Variants in NRG1 observed in about 807,000 individuals in gnomAD.
NRG1 encodes the protein pro-neuregulin-1, membrane-bound isoform.
In NRG1, 18 loss-of-function variants were observed where a neutral mutation model predicts 63.8. The observed-to-expected ratio is 0.28, with a 90% CI of 0.19 to 0.42. NRG1 has a LOEUF of 0.42. Ranked by LOEUF, NRG1 falls within the 10% of genes least tolerant of loss-of-function variation. NRG1 has a pLI of 1.00. For missense variants in NRG1, 762 were observed against 814.7 expected (o/e 0.94, Z 0.79); for synonymous variants, 302 against 301.3 (o/e 1.00, Z -0.02).
intron 1 of NRG1, among the ~76,000 whole-genome samples, chr8:31,750,192 G>A (rs566133318): frequency 4.5e-4 from 69 of 151,942 alleles, no homozygotes; most frequent in South Asian, 1.7e-3. Flanking sequence ...AATGTAATTC[G>A]TAAGACTGTG....
intron 1 of NRG1, among the ~76,000 whole-genome samples, chr8:32,093,909 A>G (rs1829538217): frequency 6.6e-6 from 1 of 152,164 alleles, no homozygotes; most frequent in South Asian, 2.1e-4. Context: ...TACTCACTGC[A>G]TCTTTCAGCC....
chr8:31,880,822 T>A (rs1830292893), intron 1 of NRG1, among the ~76,000 whole-genome samples: 1 of 152,174 alleles, frequency 6.6e-6, no homozygotes, highest in Non-Finnish European at 1.5e-5. Flanking sequence ...TACAAAATAT[T>A]TGAATGGCTT....
chr8:31,813,841 A>G (rs1823176533), intron 1 of NRG1, among the ~76,000 whole-genome samples: 1 of 152,086 alleles, frequency 6.6e-6, no homozygotes, highest in Non-Finnish European at 1.5e-5. Context: ...ATTTTCTTGA[A>G]TGCTTCAATA....
intron 1 of NRG1, among the ~76,000 whole-genome samples, chr8:31,767,237 T>C (rs1818161866): frequency 6.6e-6 from 1 of 152,174 alleles, no homozygotes; most frequent in Non-Finnish European, 1.5e-5. Flanking sequence ...GGAACAGAAG[T>C]GTAGAACAAA....
chr8:31,639,424 C>A, exon 1 of NRG1: 4 of 1,534,924 alleles, frequency 2.6e-6, no homozygotes. Flanking sequence ...GCCGAGTTGG[C>A]ACCACAGGTA....
At chr8:32,197,099 A>G (rs1408875885) in intron 1 of NRG1, among the ~76,000 whole-genome samples, 1 of 151,078 alleles carries the variant, frequency 6.6e-6, no homozygotes, top group African/African-American at 2.4e-5. Flanking sequence ...AGCTGGAATT[A>G]CAGGCGCCCA....
intron 1 of NRG1, among the ~76,000 whole-genome samples, chr8:32,282,732 C>T (rs772255128): frequency 6.6e-6 from 1 of 152,028 alleles, no homozygotes; most frequent in African/African-American, 2.4e-5. Flanking sequence ...ACCCACCTGG[C>T]CTTTAATAGA....
intron 1 of NRG1, among the ~76,000 whole-genome samples, chr8:31,800,714 A>G (rs1396118969): frequency 6.6e-6 from 1 of 151,976 alleles, no homozygotes; most frequent in Non-Finnish European, 1.5e-5. Flanking sequence ...AAAATTTCTT[A>G]TTCTGGAAAG....
chr8:32,671,851 T>G (rs2128895598), intron 5 of NRG1, among the ~76,000 whole-genome samples: 1 of 152,290 alleles, frequency 6.6e-6, no homozygotes, highest in East Asian at 1.9e-4. Context: ...CATATTTATG[T>G]GATTAGAAAA....
chr8:32,730,134 C>A (rs1823263459), intron 6 of NRG1, among the ~76,000 whole-genome samples: 1 of 152,128 alleles, frequency 6.6e-6, no homozygotes, highest in African/African-American at 2.4e-5. Context: ...AGGTAAAAGT[C>A]TTGCAAAAAA....
intron 1 of NRG1, among the ~76,000 whole-genome samples, chr8:32,465,108 G>A (rs1338642647): frequency 1.3e-5 from 2 of 152,182 alleles, no homozygotes; most frequent in Non-Finnish European, 2.9e-5. Context: ...CTGGGAGGCG[G>A]AGGTTGCAGT....
chr8:31,782,753 C>T (rs1288600931), intron 1 of NRG1, among the ~76,000 whole-genome samples: 2 of 152,046 alleles, frequency 1.3e-5, no homozygotes, highest in Non-Finnish European at 2.9e-5. Flanking sequence ...GCATGTGAAT[C>T]GACAGAGGAT....
intron 1 of NRG1, among the ~76,000 whole-genome samples, chr8:32,202,799 G>A (rs1843626515): frequency 6.6e-6 from 1 of 151,012 alleles, no homozygotes; most frequent in African/African-American, 2.4e-5. Flanking sequence ...GCACTGCTCT[G>A]CTGCTCTGCC....
chr8:31,871,877 A>T (rs1428519010), intron 1 of NRG1, among the ~76,000 whole-genome samples: 1 of 152,312 alleles, frequency 6.6e-6, no homozygotes, highest in African/African-American at 2.4e-5. Context: ...ACTTTGACAA[A>T]GTCTTTCAAA....
intron 1 of NRG1, among the ~76,000 whole-genome samples, chr8:32,343,477 T>C (rs1804336683): frequency 6.6e-6 from 1 of 152,226 alleles, no homozygotes; most frequent in African/African-American, 2.4e-5. Context: ...GTTTTGTTTA[T>C]GCATTTGCTG....
chr8:31,780,735 T>G (rs964857187), intron 1 of NRG1, among the ~76,000 whole-genome samples: 2 of 152,218 alleles, frequency 1.3e-5, no homozygotes, highest in Non-Finnish European at 2.9e-5. Flanking sequence ...AAATCAGAGA[T>G]GCTTCAGTGT....
At chr8:32,268,530 G>T (rs1206457483) in intron 1 of NRG1, among the ~76,000 whole-genome samples, 1 of 152,064 alleles carries the variant, frequency 6.6e-6, no homozygotes, top group African/African-American at 2.4e-5. Flanking sequence ...CTTTCAACAG[G>T]CTGATCACCT....
At position 32,186,045 on chromosome 8, in the gene NRG1, A is replaced by G. The variant is rs368366621; in HGVS notation, c.38-409783A>G. ...GAAGCCAAAGCATTTTCCTCAAAGT[A>G]TAGTGGCTAATGGCTATGCTGTTAC... On this transcript the variant is annotated intron_variant, in intron 1 of 10. Coordinates refer to the NRG1 transcript ENST00000519301. 2.6e-5 allele frequency among the ~76,000 whole-genome samples: 4 copies of G among 152,366 alleles called. No homozygotes were observed. The East Asian group carries it at 7.7e-4, about 29-fold the overall frequency.
chr8:32,504,199 G>C (rs932240990), intron 1 of NRG1, among the ~76,000 whole-genome samples: 4 of 152,078 alleles, frequency 2.6e-5, no homozygotes, highest in Admixed American at 6.6e-5. Context: ...CCTTTCCCTG[G>C]TGCCAGCTGC....
Sources: gnomAD v4.1 joint callset for allele counts (sites outside exome capture counted in the v4.1 genomes callset) on GRCh38, gnomAD v4.1.1 for gene constraint, MANE v1.5 for transcripts, NCBI Gene and HGNC (gene_info 2026-07-23, HGNC 2026-07-21) for gene names.